CC2D2B: variants seen among roughly 807,000 people sequenced by gnomAD.
The protein encoded by CC2D2B is protein CC2D2B.
In CC2D2B, 128 loss-of-function variants were observed where a neutral mutation model predicts 161.2. The observed-to-expected ratio is 0.79, with a 90% CI of 0.69 to 0.92. CC2D2B has a LOEUF of 0.92. CC2D2B is among the 40% of genes least tolerant of loss of function. The probability of loss-of-function intolerance (pLI) is 0.00; values close to 1 mark genes in which losing one functional copy is unlikely to be tolerated. For synonymous variants in CC2D2B, 391 were observed against 449.8 expected (o/e 0.87, Z 1.65); for missense variants, 1,173 against 1,375.1 (o/e 0.85, Z 2.32).
chr10:95,941,390 C>T (rs1423130474), intron 9 of CC2D2B, among the ~76,000 whole-genome samples: 1 of 151,982 alleles, frequency 6.6e-6, no homozygotes, highest in Admixed American at 6.6e-5. Flanking sequence ...GAAACAATCA[C>T]CAGAGACAGA....
At chr10:95,945,072 C>T (rs934112430) in intron 9 of CC2D2B, among the ~76,000 whole-genome samples, 4 of 152,188 alleles carry the variant, frequency 2.6e-5, no homozygotes, top group Non-Finnish European at 5.9e-5. Context: ...TCCCTTCCAG[C>T]GGACACAGCA....
At chr10:95,908,879 C>T (rs1374637024) in intron 1 of CC2D2B, among the ~76,000 whole-genome samples, 6 of 151,672 alleles carry the variant, frequency 4.0e-5, no homozygotes, top group African/African-American at 9.7e-5. Flanking sequence ...AGCAAAACTA[C>T]GTTGCATGGT....
chr10:96,024,755 T>C, intron 32 of CC2D2B, 98 bp from the exon 33 acceptor site: 1 of 622,116 alleles, frequency 1.6e-6, no homozygotes, highest in East Asian at 3.3e-5. Context: ...CACAGAAGCC[T>C]GGTTTGTCTT....
intron 10 of CC2D2B, among the ~76,000 whole-genome samples, chr10:95,954,501 T>C (rs2076508631): frequency 1.3e-5 from 2 of 152,188 alleles, no homozygotes; most frequent in Admixed American, 6.6e-5. Flanking sequence ...TTCATTACCA[T>C]ATTTAATTAT....
intron 11 of CC2D2B, 141 bp from the exon 12 acceptor site, chr10:95,961,688 C>T (rs896430307): frequency 2.2e-5 from 9 of 406,006 alleles, no homozygotes; most frequent in Non-Finnish European, 3.8e-5. Context: ...AGTAAGATGG[C>T]GTTCAGATGT....
intron 32 of CC2D2B, chr10:96,020,945 GAGAGGAC>G (rs1490805611): frequency 3.9e-5 from 6 of 152,226 alleles, no homozygotes; most frequent in African/African-American, 1.2e-4. Context: ...ACGCTTAGGT[GAGAGGAC>G]TGTTTGAGCC....
At chr10:95,941,165 A>G (rs1054335383) in intron 9 of CC2D2B, among the ~76,000 whole-genome samples, 2 of 152,226 alleles carry the variant, frequency 1.3e-5, no homozygotes, top group Non-Finnish European at 2.9e-5. Context: ...TCAGACCTTT[A>G]TCTTACATCA....
chr10:95,992,946 A>C (rs1024530274), intron 22 of CC2D2B: 1 of 278,376 alleles, frequency 3.6e-6, no homozygotes, highest in Non-Finnish European at 6.7e-6. Flanking sequence ...CTGCATGCTC[A>C]CCTTCTCATA....
In CC2D2B at chr10:95,995,365, G is replaced by T; in HGVS notation, c.2739G>T (p.Glu913Asp). Reference sequence around the variant, plus strand: ...TAGCCTCAGATGAGACCTTACATGAGGTAAGTATTTAACACTTCTATAAAG... The same window carrying T: ...TAGCCTCAGATGAGACCTTACATGATGTAAGTATTTAACACTTCTATAAAG... ...KSVASDETLH[E>D]DTVHPFVEVS... The change falls in exon 23 of 35, where the codon GAG (glutamate) becomes GAT (aspartate). Residue 913 changes from glutamate to aspartate, a missense_variant and splice_region_variant. Glu to Asp is a conservative substitution (Grantham distance 45). Transcript: ENST00000646931. 6.9e-7 allele frequency: 1 copy of T among 1,453,724 alleles called. No individual in the cohort carries two copies. Among genetic ancestry groups the T allele is most frequent in the Non-Finnish European group, 9.3e-7 (1 of 1,079,106 alleles). 90.1% of individuals were successfully genotyped at this position (1,453,724 alleles called of 1,614,324 possible). A position where few individuals can be genotyped will look rare whatever the true frequency, so the allele number is the denominator to read the frequency against.
At chr10:95,921,832 G>T (rs1286822109) in intron 2 of CC2D2B, among the ~76,000 whole-genome samples, 184 bp from the exon 3 acceptor site, 1 of 152,064 alleles carries the variant, frequency 6.6e-6, no homozygotes, top group Admixed American at 6.6e-5. Flanking sequence ...AGCATTAGGA[G>T]ATATACCTAA....
At chr10:95,981,837 CATAA>C in intron 17 of CC2D2B, 134 bp from the exon 18 acceptor site, 1 of 425,502 alleles carries the variant, frequency 2.4e-6, no homozygotes. Context: ...CTATTCTATC[CATAA>C]ATACAGAGGA....
intron 30 of CC2D2B, chr10:96,018,640 A>G (rs2079310119): frequency 6.6e-6 from 1 of 152,356 alleles, no homozygotes; most frequent in South Asian, 2.1e-4. Flanking sequence ...AGGACCATAC[A>G]TGACAGCACT....
At chr10:95,919,927 T>C (rs1397303084) in intron 2 of CC2D2B, 3 of 151,938 alleles carry the variant, frequency 2.0e-5, no homozygotes, top group Non-Finnish European at 4.4e-5. Context: ...AAGGGCTATC[T>C]GCTTATGGGC....
At chr10:95,987,640 T>C (rs2077783470) in intron 19 of CC2D2B, among the ~76,000 whole-genome samples, 1 of 152,162 alleles carries the variant, frequency 6.6e-6, no homozygotes, top group Admixed American at 6.5e-5. Context: ...CTGACAATCT[T>C]ATACTGACTA....
intron 2 of CC2D2B, among the ~76,000 whole-genome samples, chr10:95,916,987 T>TA (rs2098517500): frequency 6.6e-6 from 1 of 152,180 alleles, no homozygotes; most frequent in African/African-American, 2.4e-5. Flanking sequence ...GAAAGTGGGC[T>TA]GTTGAAGTCT....
At chr10:95,926,501 TATA>T (rs1211017958) in intron 5 of CC2D2B, among the ~76,000 whole-genome samples, 10 of 151,674 alleles carry the variant, frequency 6.6e-5, no homozygotes, top group South Asian at 2.1e-4. Flanking sequence ...GATAAAATCT[TATA>T]ATTTTATATT....
intron 22 of CC2D2B, among the ~76,000 whole-genome samples, chr10:95,993,900 A>ATGTGTGTG (rs1270650458): frequency 5.0e-5 from 2 of 40,078 alleles, no homozygotes; most frequent in Admixed American, 3.0e-4. Flanking sequence ...GAGAGAGAGA[A>ATGTGTGTG]TGTGTGTGTG....
chr10:96,019,846 G>T (rs1358007158), intron 32 of CC2D2B, 22 bp downstream of exon 32: 2 of 1,592,692 alleles, frequency 1.3e-6, no homozygotes, highest in South Asian at 1.2e-5. Flanking sequence ...TTTCCCAGGG[G>T]TGTCTGTATG....
Position 95,972,186 on chromosome 10 carries a change from G to C in CC2D2B, c.1765G>C (p.Val589Leu), listed in dbSNP as rs970678574. The C allele has an allele frequency of 2.4e-5, 30 of 1,231,900 alleles. No homozygotes were observed. In the South Asian group the frequency reaches 1.1e-3, roughly 44 times the overall value. 76.3% of individuals were successfully genotyped at this position (1,231,900 alleles called of 1,614,324 possible). A position where few individuals can be genotyped will look rare whatever the true frequency, so the allele number is the denominator to read the frequency against. ...TGTAGAGTTTAGCTCTGATAAGCTG[G>C]TCATGCCTGCCGATGGAGAAGTAGG... ...QYVEFSSDKL[V>L]MPADGEVGSN... is the part of the protein sequence containing the mutation. Residue 589 changes from valine (V) to leucine (L), a missense_variant, in exon 16 of 35, where the codon GTC becomes CTC. By Grantham distance (32) the Val-to-Leu change is conservative. Transcript: ENST00000646931.
Sources: gnomAD v4.1 joint callset for allele counts (sites outside exome capture counted in the v4.1 genomes callset) on GRCh38, gnomAD v4.1.1 for gene constraint, MANE v1.5 for transcripts, NCBI Gene and HGNC (gene_info 2026-07-23, HGNC 2026-07-21) for gene names.